ARHGAP15: variants seen among roughly 807,000 people sequenced by gnomAD.
ARHGAP15 encodes Rho GTPase activating protein 15.
In ARHGAP15, 51 loss-of-function variants were observed where a neutral mutation model predicts 63.7. That is an observed-to-expected ratio of 0.80 (90% CI 0.64 to 1.01). The LOEUF (loss-of-function observed/expected upper bound fraction) is 1.01. Among genes scored for constraint, ARHGAP15 ranks in the 50% least tolerant of loss-of-function variants. The pLI, the probability that ARHGAP15 is intolerant of heterozygous loss-of-function variation, is 0.00. For synonymous variants in ARHGAP15, 191 were observed against 193.8 expected, an observed-to-expected ratio of 0.99 and a Z score of 0.12; for missense variants, 560 against 564.6, an observed-to-expected ratio of 0.99 and a Z score of 0.08.
chr2:143,648,530 T>C (rs945358989), intron 12 of ARHGAP15, among the ~76,000 whole-genome samples: 2 of 152,024 alleles, frequency 1.3e-5, no homozygotes, highest in Admixed American at 6.6e-5. Flanking sequence ...ACATGTCAAG[T>C]CCTTGACTGT....
rs149540893 is a variant in ARHGAP15 at position 143,600,933 on chromosome 2, T to C, written c.1004-23200T>C. Among the ~76,000 whole-genome samples, 323 of 152,304 alleles carry C rather than the reference T, an allele frequency of 2.1e-3. 1 individual carries two copies. Among genetic ancestry groups the C allele is most frequent in the African/African-American group, 7.0e-3 (291 of 41,576 alleles). ...TAAAAAGTGTCAGCTATATGAATGA[T>C]ATTCTTTAATGCATGTCACATTTAA... On this transcript the variant is annotated intron_variant, in intron 11 of 13. Transcript: ENST00000295095.
At chr2:143,214,390 AAAC>A (rs1255832578) in intron 3 of ARHGAP15, among the ~76,000 whole-genome samples, 1 of 152,238 alleles carries the variant, frequency 6.6e-6, no homozygotes, top group Non-Finnish European at 1.5e-5. Context: ...TCTTTCTTCC[AAAC>A]ATTTGTGGAT....
chr2:143,264,834 A>G (rs2381402), intron 6 of ARHGAP15, among the ~76,000 whole-genome samples: 33,484 of 152,026 alleles, frequency 0.22, 3,952 homozygotes, highest in South Asian at 0.35. Flanking sequence ...TGGAAAAAAG[A>G]TAATGAGACC....
At chr2:143,538,063 A>G (rs553873872) in intron 10 of ARHGAP15, among the ~76,000 whole-genome samples, 15 of 152,062 alleles carry the variant, frequency 9.9e-5, no homozygotes, top group East Asian at 5.8e-4. Context: ...CTTGAGCAGT[A>G]GTTTGTAGTT....
intron 6 of ARHGAP15, among the ~76,000 whole-genome samples, chr2:143,310,866 T>C (rs1683413649): frequency 6.6e-6 from 1 of 152,042 alleles, no homozygotes; most frequent in Non-Finnish European, 1.5e-5. Flanking sequence ...ACTGAGGATA[T>C]AGAATTTTGG....
intron 5 of ARHGAP15, among the ~76,000 whole-genome samples, chr2:143,244,024 G>T (rs1056053238): frequency 6.6e-6 from 1 of 152,034 alleles, no homozygotes; most frequent in Admixed American, 6.6e-5. Context: ...CTTAAAGTTG[G>T]TATAAAATGG....
chr2:143,142,864 T>C (rs1020351958), intron 1 of ARHGAP15, among the ~76,000 whole-genome samples: 5 of 152,094 alleles, frequency 3.3e-5, no homozygotes, highest in African/African-American at 1.2e-4. Context: ...GACGTAGTTA[T>C]AACAAAGGAT....
chr2:143,412,118 T>C (rs1423776044), intron 6 of ARHGAP15, among the ~76,000 whole-genome samples: 2 of 152,190 alleles, frequency 1.3e-5, no homozygotes, highest in Non-Finnish European at 2.9e-5. Context: ...TGATTCTGTT[T>C]ATATCTTTTA....
intron 2 of ARHGAP15, among the ~76,000 whole-genome samples, chr2:143,158,108 A>G (rs550815238): frequency 6.6e-6 from 1 of 152,062 alleles, no homozygotes; most frequent in Admixed American, 6.6e-5. Flanking sequence ...GGACTATATA[A>G]TAACACAAGG....
intron 10 of ARHGAP15, among the ~76,000 whole-genome samples, chr2:143,536,409 C>T (rs1050442941): frequency 2.6e-5 from 4 of 151,870 alleles, no homozygotes; most frequent in African/African-American, 7.3e-5. Flanking sequence ...TTTTAGGGTA[C>T]ATGTGCACAA....
rs74526768 is a variant in ARHGAP15 at position 143,243,201 on chromosome 2, T to C, written c.385-7310T>C. On this transcript the variant is annotated intron_variant, in intron 5 of 13. Coordinates refer to ENST00000295095, the MANE Select transcript of ARHGAP15 (RefSeq NM_018460.4). Reference sequence around the variant, plus strand: ...AAGACTATGGACCCCAAATATCCCATAAAGAAAAATGGGAAACTTAATCCC... The same window carrying C: ...AAGACTATGGACCCCAAATATCCCACAAAGAAAAATGGGAAACTTAATCCC... 2.5e-4 allele frequency among the ~76,000 whole-genome samples: 38 copies of C among 152,096 alleles called. No individual in the cohort carries two copies. In the East Asian group the frequency reaches 7.0e-3, roughly 28 times the overall value.
intron 6 of ARHGAP15, among the ~76,000 whole-genome samples, chr2:143,371,471 T>C (rs550423770): frequency 3.9e-5 from 6 of 152,278 alleles, no homozygotes; most frequent in African/African-American, 1.2e-4. Flanking sequence ...CATCTATCTG[T>C]CTGCCTGCCT....
chr2:143,496,986 G>A (rs1692843827), intron 9 of ARHGAP15, among the ~76,000 whole-genome samples: 1 of 152,136 alleles, frequency 6.6e-6, no homozygotes, highest in Admixed American at 6.5e-5. Context: ...CATGAATCTG[G>A]TGCCAGTTTG....
intron 3 of ARHGAP15, among the ~76,000 whole-genome samples, chr2:143,215,055 G>T (rs533376005): frequency 1.3e-5 from 2 of 152,336 alleles, no homozygotes; most frequent in African/African-American, 4.8e-5. Context: ...GAATCCAGGT[G>T]TGAAAGGTAC....
intron 8 of ARHGAP15, among the ~76,000 whole-genome samples, chr2:143,450,479 G>A (rs766661842): frequency 2.0e-4 from 31 of 151,750 alleles, no homozygotes; most frequent in South Asian, 4.1e-4. Context: ...CATCTGTGTT[G>A]TGTTATTATA....
intron 13 of ARHGAP15, among the ~76,000 whole-genome samples, chr2:143,736,195 C>T (rs1274242098): frequency 2.6e-5 from 4 of 151,930 alleles, no homozygotes; most frequent in South Asian, 2.1e-4. Context: ...GTCAGGAGTT[C>T]GAGACCAGCC....
At chr2:143,283,595 T>C (rs1681958733) in intron 6 of ARHGAP15, among the ~76,000 whole-genome samples, 1 of 152,220 alleles carries the variant, frequency 6.6e-6, no homozygotes, top group African/African-American at 2.4e-5. Flanking sequence ...AGATGGGCTT[T>C]GCACTGCTGT....
rs545928383 is a variant in ARHGAP15, at chr2:143,206,684, T to A, written c.234+4482T>A. On this transcript the variant is annotated intron_variant, in intron 3 of 13. Coordinates refer to ENST00000295095, the MANE Select transcript of ARHGAP15 (RefSeq NM_018460.4). Reference sequence around the variant, plus strand: ...GACTATGTCTTATTTATTGTTTTACTATTAAAACTTCGTATAAAGGCTGGC... The same window carrying A: ...GACTATGTCTTATTTATTGTTTTACAATTAAAACTTCGTATAAAGGCTGGC... Among the ~76,000 whole-genome samples the A allele has an allele frequency of 1.4e-4, 21 of 152,264 alleles. No individual in the cohort carries two copies. The South Asian group carries it at 3.7e-3, about 27-fold the overall frequency.
At chr2:143,385,885 A>C (rs191438820) in intron 6 of ARHGAP15, among the ~76,000 whole-genome samples, 125 of 152,292 alleles carry the variant, frequency 8.2e-4, no homozygotes, top group African/African-American at 2.9e-3. Flanking sequence ...CAGAAGAGAC[A>C]GAACTATAAG....
Sources: gnomAD v4.1 joint callset for allele counts (sites outside exome capture counted in the v4.1 genomes callset) on GRCh38, gnomAD v4.1.1 for gene constraint, MANE v1.5 for transcripts, NCBI Gene and HGNC (gene_info 2026-07-23, HGNC 2026-07-21) for gene names.